The following ADGRL4 variants were observed in gnomAD, a reference collection of about 807,000 sequenced individuals.
ADGRL4 encodes EGF, latrophilin and seven transmembrane domain containing 1.
In ADGRL4, 90 loss-of-function variants were observed where a neutral mutation model predicts 74.8. The ratio of observed to expected loss-of-function variants is 1.20; its 90% CI spans 1.02 to 1.43. ADGRL4 has a LOEUF of 1.43. Ranked by LOEUF, ADGRL4 falls within the 40% of genes most tolerant of loss-of-function variation. The probability of loss-of-function intolerance (pLI) is 0.00; values close to 1 mark genes in which losing one functional copy is unlikely to be tolerated. For missense variants in ADGRL4, 881 were observed against 814.3 expected, an observed-to-expected ratio of 1.08 and a Z score of -1.00; for synonymous variants, 311 against 279.2, an observed-to-expected ratio of 1.11 and a Z score of -1.14.
chr1:78,937,829 A>G lies in ADGRL4; in HGVS notation c.738T>C (p.Phe246=), dbSNP rs1649386632. Reference sequence around the variant, plus strand: ...TACCTATATCCGTTGAATTTGTATCAAACTCTGTGGTCTTTTGGAAGCTCT... The same window carrying G: ...TACCTATATCCGTTGAATTTGTATCGAACTCTGTGGTCTTTTGGAAGCTCT... ...ISQSFQKTTE[F]DTNSTDIALK... is the part of the protein sequence containing the mutation. Residue 246 remains phenylalanine, a synonymous_variant, in exon 6 of 15, where the codon TTT becomes TTC. Coordinates refer to ENST00000370742, the MANE Select transcript of ADGRL4 (RefSeq NM_022159.4). 6.2e-7 allele frequency: 1 copy of G among 1,609,954 alleles called. No homozygotes were observed. The highest frequency in any genetic ancestry group is 8.5e-7 in the Non-Finnish European group (1 of 1,178,948).
At position 78,938,131 on chromosome 1, in the gene ADGRL4, G is replaced by T; in HGVS notation, c.545C>A (p.Ala182Asp). ...AGTTGAGTTAGAAAGGGTGTCCTTG[G>T]CTGAGATAGTGTTGTTCTTGTAACC... ...LLGYKNNTIS[A>D]KDTLSNSTLT... Residue 182 changes from alanine to aspartate, a missense_variant, in exon 5 of 15, where the codon GCC (alanine) becomes GAC (aspartate). By Grantham distance (126) the Ala-to-Asp change is moderately radical (BLOSUM62 -2). Coordinates refer to ENST00000370742, the MANE Select transcript of ADGRL4 (RefSeq NM_022159.4). 1 of 1,613,156 alleles carries T rather than the reference G, an allele frequency of 6.2e-7. No individual in the cohort carries two copies. Among genetic ancestry groups the T allele is most frequent in the Non-Finnish European group, 8.5e-7 (1 of 1,179,674 alleles).
At position 78,950,961 on chromosome 1, in the gene ADGRL4, G is replaced by A. The variant is rs373768458; in HGVS notation, c.173-4535C>T. On this transcript the variant is annotated intron_variant, in intron 2 of 14. Transcript: ENST00000370742. Reference sequence around the variant, plus strand: ...ATTAACTGAGGACATTTCAGAAGACGTATCAATAGTTCTATAGTCAACCAT... The same window carrying A: ...ATTAACTGAGGACATTTCAGAAGACATATCAATAGTTCTATAGTCAACCAT... Among the ~76,000 whole-genome samples the A allele has an allele frequency of 1.2e-4, 18 of 152,170 alleles. No individual in the cohort carries two copies. In the South Asian group the frequency reaches 1.7e-3, roughly 14 times the overall value.
At chr1:78,951,217 T>C (rs1434921400) in intron 2 of ADGRL4, among the ~76,000 whole-genome samples, 1 of 152,182 alleles carries the variant, frequency 6.6e-6, no homozygotes, top group South Asian at 2.1e-4. Context: ...CACTCTTGTT[T>C]TGCCTCCCCA....
intron 12 of ADGRL4, among the ~76,000 whole-genome samples, chr1:78,910,806 G>C (rs1648746368): frequency 6.6e-6 from 1 of 151,750 alleles, no homozygotes; most frequent in South Asian, 2.1e-4. Flanking sequence ...TTCAAGTACA[G>C]TCACAATCTT....
intron 7 of ADGRL4, among the ~76,000 whole-genome samples, chr1:78,934,953 G>A (rs1649322245): frequency 2.0e-5 from 3 of 152,196 alleles, no homozygotes; most frequent in Admixed American, 2.0e-4. Flanking sequence ...TACACTGTTA[G>A]TGGGAATGTA....
intron 12 of ADGRL4, among the ~76,000 whole-genome samples, chr1:78,895,926 AGTT>A (rs1648387814): frequency 1.3e-5 from 2 of 152,238 alleles, no homozygotes; most frequent in African/African-American, 4.8e-5. Context: ...AGCACCAGGT[AGTT>A]GTTTACATAG....
chr1:78,910,645 TTTTAG>T (rs1409956373), intron 12 of ADGRL4, among the ~76,000 whole-genome samples: 2 of 151,784 alleles, frequency 1.3e-5, no homozygotes, highest in Non-Finnish European at 3.0e-5. Context: ...ACTTACATAG[TTTTAG>T]TTTAAAGAAT....
At chr1:78,898,523 T>A (rs971812636) in intron 12 of ADGRL4, among the ~76,000 whole-genome samples, 31 of 152,062 alleles carry the variant, frequency 2.0e-4, no homozygotes, top group African/African-American at 7.5e-4. Flanking sequence ...TTTTTTTTTT[T>A]TAACGATTTC....
At chr1:78,926,175 A>G (rs1288343737) in intron 8 of ADGRL4, among the ~76,000 whole-genome samples, 2 of 152,100 alleles carry the variant, frequency 1.3e-5, no homozygotes, top group East Asian at 3.9e-4. Flanking sequence ...CTCAACTTCA[A>G]GGTACTTCAA....
intron 6 of ADGRL4, 73 bp downstream of exon 6, chr1:78,937,734 A>C: frequency 7.1e-7 from 1 of 1,418,424 alleles, no homozygotes; most frequent in Non-Finnish European, 9.7e-7. Flanking sequence ...CATGCCTCCT[A>C]ACCCCACCCA....
At chr1:78,904,829 T>C (rs1648601901) in intron 12 of ADGRL4, among the ~76,000 whole-genome samples, 1 of 152,066 alleles carries the variant, frequency 6.6e-6, no homozygotes, top group South Asian at 2.1e-4. Flanking sequence ...TGTATTAAAT[T>C]ACATAATTAA....
intron 2 of ADGRL4, among the ~76,000 whole-genome samples, chr1:78,984,688 AAAACAC>A (rs540510630): frequency 5.9e-4 from 89 of 151,208 alleles, no homozygotes; most frequent in African/African-American, 2.0e-3. Flanking sequence ...CCTTTCTTAA[AAAACAC>A]ACACACACAT....
In ADGRL4 at chr1:78,932,613, C is replaced by CAAAAAAA. The variant is rs557004722; in HGVS notation, c.877+3675_877+3681dup. Among the ~76,000 whole-genome samples the CAAAAAAA allele has an allele frequency of 3.1e-3, 176 of 57,274 alleles. 3 individuals carry two copies. The highest frequency in any genetic ancestry group is 0.017 in the East Asian group (38 of 2,180). The allele number at this position is 57,274 out of a possible 152,430, so 37.6% of individuals were successfully genotyped here. Reference sequence around the variant, plus strand: ...GGAGATAGAGACACAAAAACCCCTCCAAAAAAAAAAAAAACAATGAATCCA... The same window carrying CAAAAAAA: ...GGAGATAGAGACACAAAAACCCCTCCAAAAAAAAAAAAAAAAAAAAACAATGAATCCA... On this transcript the variant is annotated intron_variant, in intron 7 of 14. Coordinates refer to ENST00000370742, the MANE Select transcript of ADGRL4 (RefSeq NM_022159.4).
intron 2 of ADGRL4, among the ~76,000 whole-genome samples, chr1:78,974,155 C>CCT (rs1650232904): frequency 6.6e-6 from 1 of 152,084 alleles, no homozygotes; most frequent in African/African-American, 2.4e-5. Context: ...AGTTTATCTT[C>CCT]AGTGCAAAAT....
At chr1:78,929,201 G>A (rs187184502) in intron 7 of ADGRL4, among the ~76,000 whole-genome samples, 1 of 151,182 alleles carries the variant, frequency 6.6e-6, no homozygotes. Flanking sequence ...CTAAAATTCA[G>A]TCTATAAAAA....
In ADGRL4 at chr1:78,921,650, G is replaced by A; in HGVS notation, c.1220C>T (p.Thr407Ile). The A allele has an allele frequency of 1.9e-6, 3 of 1,586,812 alleles. No homozygotes were observed. The highest frequency in any genetic ancestry group is 2.6e-6 in the Non-Finnish European group (3 of 1,167,560). The change falls in exon 9 of 15, where the codon ACA becomes ATA. Residue 407 changes from threonine (T) to isoleucine (I), a missense_variant. Transcript: ENST00000370742. The part of the protein sequence containing the change: ...THTSCRCNHL[T>I]HFAILMSSGP... ...AGAGGACATCAAAATTGCAAAATGTGTCAGGTGATTACAGCGGCATGAGGT... is the reference window on the plus strand; with the variant it reads ...AGAGGACATCAAAATTGCAAAATGTATCAGGTGATTACAGCGGCATGAGGT...
intron 2 of ADGRL4, among the ~76,000 whole-genome samples, chr1:78,976,113 T>A (rs772692369): frequency 3.9e-5 from 6 of 151,936 alleles, no homozygotes; most frequent in Non-Finnish European, 7.4e-5. Flanking sequence ...TAAATGGAGT[T>A]AACAGTCCCA....
intron 2 of ADGRL4, among the ~76,000 whole-genome samples, chr1:78,975,606 A>G (rs1650260980): frequency 6.6e-6 from 1 of 151,744 alleles, no homozygotes; most frequent in South Asian, 2.1e-4. Flanking sequence ...CTAAAACCCA[A>G]CTCAGGGGTT....
At chr1:78,969,845 C>T (rs1231921007) in intron 2 of ADGRL4, among the ~76,000 whole-genome samples, 1 of 151,988 alleles carries the variant, frequency 6.6e-6, no homozygotes, top group African/African-American at 2.4e-5. Context: ...GTGAACCAAC[C>T]ATCAGCTTCC....
Sources: allele counts gnomAD v4.1 joint callset (sites outside exome capture counted in the v4.1 genomes callset), GRCh38; gene constraint gnomAD v4.1.1; transcripts MANE v1.5; gene names NCBI Gene and HGNC (gene_info 2026-07-23, HGNC 2026-07-21).